The following TRIO variants were observed in gnomAD, a reference collection of about 807,000 sequenced individuals.
TRIO encodes triple functional domain protein.
TRIO carries 58 observed loss-of-function variants against 351.9 expected under a neutral mutation model. The ratio of observed to expected loss-of-function variants is 0.16; its 90% CI spans 0.13 to 0.21. TRIO has a LOEUF of 0.21. TRIO is among the 10% of genes least tolerant of loss of function. The pLI, the probability that TRIO is intolerant of heterozygous loss-of-function variation, is 1.00. For missense variants in TRIO, 3,201 were observed against 4,027.8 expected (o/e 0.79, Z 5.56); for synonymous variants, 1,758 against 1,595.7 (o/e 1.10, Z -2.42).
intron 11 of TRIO, among the ~76,000 whole-genome samples, chr5:14,340,190 C>T (rs1007425864): frequency 2.0e-5 from 3 of 151,908 alleles, no homozygotes; most frequent in Non-Finnish European, 4.4e-5. Flanking sequence ...GTCAGGAGAT[C>T]GAGACCATCC....
chr5:14,174,254 T>C (rs1789276281), intron 1 of TRIO, among the ~76,000 whole-genome samples: 1 of 152,180 alleles, frequency 6.6e-6, no homozygotes, highest in Non-Finnish European at 1.5e-5. Context: ...TAAGGCACTT[T>C]TGGTTGCTGG....
intron 1 of TRIO, among the ~76,000 whole-genome samples, chr5:14,149,723 C>G (rs963521119): frequency 2.0e-5 from 3 of 152,048 alleles, no homozygotes; most frequent in African/African-American, 7.2e-5. Flanking sequence ...CTACTCTTGT[C>G]TGATGGGGGA....
At chr5:14,152,616 C>T (rs893609165) in intron 1 of TRIO, among the ~76,000 whole-genome samples, 3 of 152,150 alleles carry the variant, frequency 2.0e-5, no homozygotes, top group African/African-American at 7.2e-5. Context: ...GTGATCCACC[C>T]ATCTTGGGCT....
At position 14,293,012 on chromosome 5, in the gene TRIO, A is replaced by T; in HGVS notation, c.1054A>T (p.Met352Leu). ...LRLFEQDAEK[M>L]FDWITHNKGL... The stretch of plus-strand genomic sequence containing the variant: ...CGGGTTGTCTTTTTCCTTCCGGTAG[A>T]TGTTTGACTGGATCACACACAACAA... Residue 352 changes from methionine (M) to leucine (L), a missense_variant and splice_region_variant, in exon 6 of 57, where the codon ATG (methionine) becomes TTG (leucine). Met to Leu is a conservative substitution (Grantham distance 15). Coordinates refer to ENST00000344204, the MANE Select transcript of TRIO (RefSeq NM_007118.4). 6.2e-7 allele frequency: 1 copy of T among 1,614,034 alleles called. No individual in the cohort carries two copies. The highest frequency in any genetic ancestry group is 1.7e-5 in the Admixed American group (1 of 60,014).
intron 5 of TRIO, 97 bp downstream of exon 5, chr5:14,291,325 G>C: frequency 7.7e-7 from 1 of 1,290,952 alleles, no homozygotes; most frequent in Non-Finnish European, 1.1e-6. Flanking sequence ...GAATGGTAAG[G>C]CTATACTCAC....
intron 1 of TRIO, among the ~76,000 whole-genome samples, chr5:14,208,694 C>T (rs1791689982): frequency 6.6e-6 from 1 of 152,246 alleles, no homozygotes; most frequent in Non-Finnish European, 1.5e-5. Context: ...AGCTGACTCT[C>T]AGCCAATCAC....
chr5:14,488,476 G>A (rs1756217097), intron 48 of TRIO: 2 of 631,952 alleles, frequency 3.2e-6, no homozygotes, highest in South Asian at 2.5e-5. Context: ...AGAGCAAGCC[G>A]ATCATTAACC....
Position 14,504,433 on chromosome 5 carries a change from A to G in TRIO, c.8452A>G (p.Thr2818Ala). 1.9e-6 allele frequency: 3 copies of G among 1,614,158 alleles called. No homozygotes were observed. The highest frequency in any genetic ancestry group is 1.7e-6 in the Non-Finnish European group (2 of 1,180,018). ...SVVKKCDQKG[T>A]KRAVATKFVN... ...CGTTAAGAAATGTGATCAGAAAGGAACCAAGCGAGCAGTGGCCACTAAGTT... is the reference window on the plus strand; with the variant it reads ...CGTTAAGAAATGTGATCAGAAAGGAGCCAAGCGAGCAGTGGCCACTAAGTT... Residue 2818 changes from threonine to alanine, a missense_variant, in exon 55 of 57, where the codon ACC becomes GCC. Physicochemically the swap from Thr to Ala is moderately conservative, Grantham distance 58. Around this residue, in one of 19 missense-constraint regions of TRIO, gnomAD observed 1,089 missense variants for 954.9 expected, o/e 1.14. Transcript: ENST00000344204.
At chr5:14,196,383 A>G (rs1048116178) in intron 1 of TRIO, among the ~76,000 whole-genome samples, 2 of 141,806 alleles carry the variant, frequency 1.4e-5, no homozygotes, top group Non-Finnish European at 3.0e-5. Context: ...AGATCACACC[A>G]CTGCACTCCA....
At chr5:14,263,883 C>A (rs943783871) in intron 1 of TRIO, among the ~76,000 whole-genome samples, 4 of 152,210 alleles carry the variant, frequency 2.6e-5, no homozygotes, top group Non-Finnish European at 4.4e-5. Context: ...GTTCTTTATT[C>A]TGGCATTAGG....
chr5:14,160,992 C>A (rs1264885043), intron 1 of TRIO, among the ~76,000 whole-genome samples: 1 of 152,120 alleles, frequency 6.6e-6, no homozygotes, highest in Admixed American at 6.5e-5. Flanking sequence ...CTCACTCTAT[C>A]TTCTGCCTCC....
At chr5:14,378,888 A>G (rs1745815646) in intron 20 of TRIO, among the ~76,000 whole-genome samples, 1 of 152,202 alleles carries the variant, frequency 6.6e-6, no homozygotes, top group Admixed American at 6.5e-5. Context: ...AGTATAGTCA[A>G]AAAGTGTTGA....
chr5:14,445,761 G>C (rs1351349719), intron 34 of TRIO, among the ~76,000 whole-genome samples: 1 of 152,214 alleles, frequency 6.6e-6, no homozygotes, highest in Admixed American at 6.5e-5. Context: ...ATGGATTATG[G>C]TAAGAAGTGG....
intron 54 of TRIO, among the ~76,000 whole-genome samples, chr5:14,503,963 C>T (rs1025896941): frequency 2.0e-5 from 3 of 152,220 alleles, no homozygotes; most frequent in Admixed American, 1.3e-4. Context: ...CCCACAGGGG[C>T]GAGGCTGAGG....
At chr5:14,367,097 C>G in intron 16 of TRIO, 118 bp downstream of exon 16, 1 of 1,401,616 alleles carries the variant, frequency 7.1e-7, no homozygotes, top group African/African-American at 1.4e-5. Context: ...GTAAAGACGA[C>G]TCAGAGGACC....
intron 1 of TRIO, among the ~76,000 whole-genome samples, chr5:14,170,996 C>T (rs1789066535): frequency 6.6e-6 from 1 of 152,026 alleles, no homozygotes; most frequent in African/African-American, 2.4e-5. Flanking sequence ...TGAAAAATTA[C>T]TGAAACTTGA....
chr5:14,373,929 T>A (rs1745338358), intron 18 of TRIO, among the ~76,000 whole-genome samples: 1 of 152,206 alleles, frequency 6.6e-6, no homozygotes, highest in African/African-American at 2.4e-5. Flanking sequence ...CTCTCTAGAC[T>A]GGACGGAGAC....
In TRIO at chr5:14,465,656, G is replaced by C; in HGVS notation, c.5763+16G>C. On this transcript the variant is annotated intron_variant, in intron 37 of 56. Transcript: ENST00000344204. ...AAGCAAGATGGTGAGGCCTCCCAGA[G>C]AAAGTCTGACTTTTGGAAGCTGCTC... 1 of 1,614,000 alleles carries C rather than the reference G, an allele frequency of 6.2e-7. No homozygotes were observed. The highest frequency in any genetic ancestry group is 2.2e-5 in the East Asian group (1 of 44,882).
intron 49 of TRIO, among the ~76,000 whole-genome samples, chr5:14,494,484 A>ACCC (rs1756728740): frequency 6.6e-6 from 1 of 152,236 alleles, no homozygotes; most frequent in African/African-American, 2.4e-5. Flanking sequence ...GCACCTGGTC[A>ACCC]CCCAAGAGCT....
Sources: gnomAD v4.1 joint callset for allele counts (sites outside exome capture counted in the v4.1 genomes callset) on GRCh38, gnomAD v4.1.1 for gene constraint, gnomAD v4.1.1 regional missense constraint, MANE v1.5 for transcripts, NCBI Gene and HGNC (gene_info 2026-07-23, HGNC 2026-07-21) for gene names.